Variants in KCNQ5 observed in about 807,000 individuals in gnomAD.
KCNQ5 encodes potassium voltage-gated channel subfamily KQT member 5.
In KCNQ5, 30 loss-of-function variants were observed where a neutral mutation model predicts 98.2. The ratio of observed to expected loss-of-function variants is 0.31; its 90% CI spans 0.23 to 0.41. The LOEUF (loss-of-function observed/expected upper bound fraction) is 0.41. KCNQ5 is among the 10% of genes least tolerant of loss of function. The pLI is 1.00. For missense variants in KCNQ5, 835 were observed against 1,182.5 expected (o/e 0.71, Z 4.31); for synonymous variants, 458 against 449.4 (o/e 1.02, Z -0.24).
chr6:72,910,012 C>G (rs1394796104), intron 1 of KCNQ5, among the ~76,000 whole-genome samples: 1 of 152,134 alleles, frequency 6.6e-6, no homozygotes, highest in African/African-American at 2.4e-5. Context: ...AGTTATATAT[C>G]CATTGATAAA....
At chr6:72,685,473 T>C (rs1018312739) in intron 1 of KCNQ5, among the ~76,000 whole-genome samples, 1 of 152,230 alleles carries the variant, frequency 6.6e-6, no homozygotes, top group African/African-American at 2.4e-5. Context: ...TCCATCCCGT[T>C]CCTGGCCCCC....
chr6:72,840,180 T>A (rs918537619), intron 1 of KCNQ5, among the ~76,000 whole-genome samples: 4 of 152,194 alleles, frequency 2.6e-5, no homozygotes, highest in African/African-American at 9.7e-5. Flanking sequence ...TTAGGTTGTT[T>A]CTATATCTTG....
chr6:72,746,469 G>T (rs1175910469), intron 1 of KCNQ5, among the ~76,000 whole-genome samples: 1 of 152,136 alleles, frequency 6.6e-6, no homozygotes, highest in Admixed American at 6.5e-5. Context: ...ACAGGCTAGT[G>T]ATCAAGGGTG....
At chr6:73,099,527 C>T (rs113219739) in intron 5 of KCNQ5, among the ~76,000 whole-genome samples, 6,697 of 152,102 alleles carry the variant, frequency 0.044, 457 homozygotes, top group African/African-American at 0.15. Flanking sequence ...GCAGGAGTAG[C>T]TACACTTAGA....
At chr6:73,124,728 T>C (rs2150444458) in intron 9 of KCNQ5, 2 of 575,560 alleles carry the variant, frequency 3.5e-6, no homozygotes, top group Admixed American at 3.1e-5. Flanking sequence ...TTTCAAAATC[T>C]GCAGGGCATG....
chr6:73,108,851 T>A (rs768317911), intron 6 of KCNQ5, among the ~76,000 whole-genome samples: 1 of 151,978 alleles, frequency 6.6e-6, no homozygotes, highest in Non-Finnish European at 1.5e-5. Flanking sequence ...ATAAAAAAAA[T>A]AGGATGTCTT....
intron 6 of KCNQ5, 35 bp downstream of exon 6, chr6:73,105,402 T>G (rs1420765094): frequency 4.5e-6 from 6 of 1,340,758 alleles, no homozygotes; most frequent in Non-Finnish European, 5.3e-6. Flanking sequence ...CAGTTTAAAT[T>G]AGATCTTAGA....
chr6:72,728,958 A>G (rs1225779342), intron 1 of KCNQ5, among the ~76,000 whole-genome samples: 2 of 152,218 alleles, frequency 1.3e-5, no homozygotes, highest in African/African-American at 4.8e-5. Context: ...TAAAGTGAAC[A>G]TGTATTTCCC....
intron 1 of KCNQ5, among the ~76,000 whole-genome samples, chr6:72,883,933 T>C (rs1313063011): frequency 6.6e-6 from 1 of 152,216 alleles, no homozygotes; most frequent in Non-Finnish European, 1.5e-5. Context: ...TGAAAGGATG[T>C]CATTAATACA....
rs888479491 is a variant in KCNQ5, at chr6:72,950,069, A to G, written c.399-53839A>G. Among the ~76,000 whole-genome samples the G allele has an allele frequency of 5.3e-5, 8 of 152,204 alleles. No individual in the cohort carries two copies. The East Asian group carries it at 1.5e-3, about 29-fold the overall frequency. On this transcript the variant is annotated intron_variant, in intron 1 of 13. Coordinates refer to ENST00000370398, the MANE Select transcript of KCNQ5 (RefSeq NM_019842.4). ...GTTCCTTCAGGAGCAGAATTAGTAT[A>G]TCACAGAAATTTCTCTTGAATTATT...
chr6:73,043,090 CT>C, intron 3 of KCNQ5: 1 of 402,820 alleles, frequency 2.5e-6, no homozygotes. Flanking sequence ...GTTGCGTAAT[CT>C]TCTCAGTTTC....
Position 72,622,624 on chromosome 6 carries a change from G to C in KCNQ5, c.398+37G>C, listed in dbSNP as rs2098915920. On this transcript the variant is annotated intron_variant, in intron 1 of 13. Coordinates refer to ENST00000370398, the MANE Select transcript of KCNQ5 (RefSeq NM_019842.4). This position sits in a 1 kb window ranked among gnomAD's most constrained non-coding sequence, Gnocchi z 6.0. ...CGCCCCCTGCTATGCCCGCTGCAGG[G>C]GACCACTGTCCCTGGCCCCCTGGGG... is the stretch of plus-strand genomic sequence containing the variant. The C allele has an allele frequency of 6.2e-7, 1 of 1,607,842 alleles. No individual in the cohort carries two copies.
At chr6:73,012,459 G>T (rs1282346007) in intron 2 of KCNQ5, among the ~76,000 whole-genome samples, 1 of 152,078 alleles carries the variant, frequency 6.6e-6, no homozygotes, top group African/African-American at 2.4e-5. Flanking sequence ...GTTGCCAGGG[G>T]CTGTAGGGAT....
chr6:73,056,625 C>G (rs1419838109), intron 3 of KCNQ5, among the ~76,000 whole-genome samples: 1 of 152,088 alleles, frequency 6.6e-6, no homozygotes, highest in Admixed American at 6.5e-5. Flanking sequence ...GCCTCTTGGT[C>G]CTCTCCAAGT....
chr6:72,934,548 G>A (rs1765821609), intron 1 of KCNQ5, among the ~76,000 whole-genome samples: 1 of 152,202 alleles, frequency 6.6e-6, no homozygotes, highest in African/African-American at 2.4e-5. Context: ...TAGTGACAAT[G>A]AGATTTCAAA....
intron 5 of KCNQ5, among the ~76,000 whole-genome samples, chr6:73,088,024 T>TC (rs386407541): frequency 2.3e-3 from 32 of 14,208 alleles, no homozygotes; most frequent in Non-Finnish European, 6.1e-3. Flanking sequence ...TCTCTCTCTC[T>TC]TTTTTTTTTT....
intron 1 of KCNQ5, among the ~76,000 whole-genome samples, chr6:72,709,856 G>A (rs1053261669): frequency 6.6e-6 from 1 of 152,238 alleles, no homozygotes; most frequent in Non-Finnish European, 1.5e-5. Context: ...TTATGAATCT[G>A]TACTAGATTT....
intron 10 of KCNQ5, among the ~76,000 whole-genome samples, chr6:73,160,324 T>C (rs1314534184): frequency 6.6e-5 from 10 of 152,182 alleles, no homozygotes; most frequent in Admixed American, 6.5e-4. Flanking sequence ...CCTTCCGCTA[T>C]GTTTTTGACA....
At chr6:73,055,179 C>A (rs1772417760) in intron 3 of KCNQ5, 1 of 884,174 alleles carries the variant, frequency 1.1e-6, no homozygotes, top group Non-Finnish European at 1.9e-6. Context: ...TGGTACGACG[C>A]CATCCTGAGC....
Sources: allele counts gnomAD v4.1 joint callset (sites outside exome capture counted in the v4.1 genomes callset), GRCh38; gene constraint gnomAD v4.1.1; non-coding constraint Gnocchi (gnomAD v3.1); transcripts MANE v1.5; gene names NCBI Gene and HGNC (gene_info 2026-07-23, HGNC 2026-07-21).